The following DOCK4 variants were observed in gnomAD, a reference collection of about 807,000 sequenced individuals.
DOCK4 encodes the protein dedicator of cytokinesis 4.
Under a neutral mutation model 268.1 loss-of-function variants are expected in DOCK4, and 97 were observed. That is an observed-to-expected ratio of 0.36 (90% CI 0.31 to 0.43). The LOEUF (loss-of-function observed/expected upper bound fraction) is 0.43, where lower values mean the gene tolerates loss of function less well. DOCK4 is among the 20% of genes least tolerant of loss of function. The pLI is 1.00. For synonymous variants in DOCK4, 954 were observed against 887.2 expected (o/e 1.08, Z -1.34); for missense variants, 2,145 against 2,455.7 (o/e 0.87, Z 2.67).
chr7:111,980,601 A>G (rs147996488), intron 7 of DOCK4, among the ~76,000 whole-genome samples: 5 of 152,336 alleles, frequency 3.3e-5, no homozygotes, highest in African/African-American at 1.2e-4. Context: ...ACTAGGCTGA[A>G]TATTTCCTTG....
chr7:111,932,604 T>C (rs1794291968), intron 12 of DOCK4, among the ~76,000 whole-genome samples: 2 of 151,968 alleles, frequency 1.3e-5, no homozygotes, highest in South Asian at 2.1e-4. Context: ...CTAGTAACCA[T>C]GTCAAAAAAG....
chr7:111,894,449 G>A (rs528890287), intron 16 of DOCK4, among the ~76,000 whole-genome samples: 4 of 152,236 alleles, frequency 2.6e-5, no homozygotes, highest in African/African-American at 9.6e-5. Context: ...CTGGGACAGT[G>A]TGATGAGAAC....
chr7:111,907,427 G>T (rs2134458673), intron 13 of DOCK4, among the ~76,000 whole-genome samples: 1 of 152,094 alleles, frequency 6.6e-6, no homozygotes, highest in African/African-American at 2.4e-5. Context: ...ACAATGCATG[G>T]AGATCTGGCA....
chr7:112,078,725 G>A (rs1808310479), intron 1 of DOCK4, among the ~76,000 whole-genome samples: 1 of 152,192 alleles, frequency 6.6e-6, no homozygotes, highest in Non-Finnish European at 1.5e-5. Context: ...AACGTCTGGA[G>A]ATGAGAAACA....
chr7:112,119,163 C>G (rs1194288984), intron 1 of DOCK4, among the ~76,000 whole-genome samples: 2 of 152,096 alleles, frequency 1.3e-5, no homozygotes, highest in Non-Finnish European at 2.9e-5. Context: ...GACTCACTCT[C>G]CAAGACAAGA....
intron 1 of DOCK4, among the ~76,000 whole-genome samples, chr7:112,093,548 G>A (rs987941343): frequency 6.6e-6 from 1 of 152,134 alleles, no homozygotes; most frequent in Non-Finnish European, 1.5e-5. Context: ...AAGAAGCAAG[G>A]CTGCTTTCCC....
At chr7:111,903,601 T>A (rs1349474298) in intron 13 of DOCK4, among the ~76,000 whole-genome samples, 2 of 152,220 alleles carry the variant, frequency 1.3e-5, no homozygotes, top group African/African-American at 4.8e-5. Context: ...TATTTTTTAC[T>A]CCCACATTTG....
chr7:111,804,760 C>T (rs1426846170), intron 30 of DOCK4, among the ~76,000 whole-genome samples: 1 of 151,978 alleles, frequency 6.6e-6, no homozygotes. Context: ...CCACCACACC[C>T]AGCTAATTTT....
At chr7:112,170,466 A>G (rs1248044453) in intron 1 of DOCK4, among the ~76,000 whole-genome samples, 8 of 152,006 alleles carry the variant, frequency 5.3e-5, no homozygotes, top group Admixed American at 6.6e-5. Flanking sequence ...GTCTTAAAAA[A>G]AAACCAGAAA....
intron 1 of DOCK4, among the ~76,000 whole-genome samples, chr7:112,027,187 C>G (rs1048018342): frequency 1.2e-4 from 19 of 152,112 alleles, no homozygotes; most frequent in African/African-American, 4.3e-4. Context: ...TGTGTAGAGA[C>G]AGGCTACCTT....
At chr7:111,841,562 T>C (rs190361715) in intron 25 of DOCK4, among the ~76,000 whole-genome samples, 1 of 151,966 alleles carries the variant, frequency 6.6e-6, no homozygotes, top group South Asian at 2.1e-4. Context: ...GCTAGGTCTG[T>C]CTGAGTACTC....
At position 112,104,442 on chromosome 7, in the gene DOCK4, C is replaced by A. The variant is rs555005202; in HGVS notation, c.38-100311G>T. 9.2e-5 allele frequency among the ~76,000 whole-genome samples: 14 copies of A among 152,280 alleles called. No homozygotes were observed. The South Asian group carries it at 2.9e-3, about 32-fold the overall frequency. ...CTAACGGGAAAAAAAACTCCCAACT[C>A]AGAACATTTACAGCCTCTTTAGGCA... On this transcript the variant is annotated intron_variant, in intron 1 of 52. Transcript: ENST00000428084.
chr7:112,201,564 A>G (rs1192780918), intron 1 of DOCK4, among the ~76,000 whole-genome samples: 5 of 152,132 alleles, frequency 3.3e-5, no homozygotes, highest in Admixed American at 3.3e-4. Context: ...GAATCTGTGC[A>G]TAAAAGCCTG....
At chr7:111,910,821 T>C (rs554739823) in intron 13 of DOCK4, among the ~76,000 whole-genome samples, 7 of 152,158 alleles carry the variant, frequency 4.6e-5, no homozygotes, top group Non-Finnish European at 7.3e-5. Flanking sequence ...TCTGACACTC[T>C]AAGAAATAAA....
At chr7:112,066,521 T>TATAC (rs1554433084) in intron 1 of DOCK4, among the ~76,000 whole-genome samples, 6 of 149,002 alleles carry the variant, frequency 4.0e-5, no homozygotes, top group African/African-American at 1.5e-4. Flanking sequence ...TCTATATATA[T>TATAC]ACACACACAC....
intron 1 of DOCK4, among the ~76,000 whole-genome samples, chr7:112,180,779 TG>T (rs1818957868): frequency 6.6e-6 from 1 of 152,172 alleles, no homozygotes; most frequent in South Asian, 2.1e-4. Flanking sequence ...GGGCAGGGGT[TG>T]GCAAAGCAGG....
At chr7:111,893,234 C>T (rs998754134) in intron 16 of DOCK4, among the ~76,000 whole-genome samples, 1 of 152,152 alleles carries the variant, frequency 6.6e-6, no homozygotes, top group African/African-American at 2.4e-5. Flanking sequence ...CATGGAGAAG[C>T]GAGCTCTGCT....
At chr7:112,173,805 G>T (rs1435194475) in intron 1 of DOCK4, among the ~76,000 whole-genome samples, 1 of 152,108 alleles carries the variant, frequency 6.6e-6, no homozygotes, top group Admixed American at 6.6e-5. Flanking sequence ...TAGCCAGCAA[G>T]AAAGGCTACC....
chr7:111,790,205 G>C (rs892039537), intron 31 of DOCK4, among the ~76,000 whole-genome samples: 1 of 152,084 alleles, frequency 6.6e-6, no homozygotes, highest in Non-Finnish European at 1.5e-5. Context: ...CTTAAATACA[G>C]ATCTGGGAAA....
Sources: allele counts gnomAD v4.1 joint callset (sites outside exome capture counted in the v4.1 genomes callset), GRCh38; gene constraint gnomAD v4.1.1; transcripts MANE v1.5; gene names NCBI Gene and HGNC (gene_info 2026-07-23, HGNC 2026-07-21).